PRUNE2: variants seen among roughly 807,000 people sequenced by gnomAD.
PRUNE2 encodes protein prune homolog 2.
Under a neutral mutation model 252.0 loss-of-function variants are expected in PRUNE2, and 164 were observed. That is an observed-to-expected ratio of 0.65 (90% confidence interval 0.57 to 0.74). The LOEUF (loss-of-function observed/expected upper bound fraction) is 0.74, where lower values mean the gene tolerates loss of function less well. Ranked by LOEUF, PRUNE2 falls within the 30% of genes least tolerant of loss-of-function variation. The pLI, the probability that PRUNE2 is intolerant of heterozygous loss-of-function variation, is 0.00. For synonymous variants in PRUNE2, 1,292 were observed against 1,350.2 expected (o/e 0.96, Z 0.94); for missense variants, 3,495 against 3,711.0 (o/e 0.94, Z 1.51).
chr9:76,706,195 G>A lies in PRUNE2; in HGVS notation c.6079C>T (p.Leu2027=). The A allele has an allele frequency of 6.2e-7, 1 of 1,613,978 alleles. No homozygotes were observed. The highest frequency in any genetic ancestry group is 8.5e-7 in the Non-Finnish European group (1 of 1,179,876). The change falls in exon 8 of 19, where the codon CTG becomes TTG. Residue 2027 remains leucine (L), a synonymous_variant. Transcript: ENST00000376718. ...NFPAVSSPTQ[L]IMKPGSEWDG... Reference sequence around the variant, plus strand: ...CATTCAGAGCCTGGCTTCATTATCAGTTGGGTGGGAGAACTGACAGCAGGA... The same window carrying A: ...CATTCAGAGCCTGGCTTCATTATCAATTGGGTGGGAGAACTGACAGCAGGA...
At chr9:76,872,332 T>A (rs1354134959) in intron 1 of PRUNE2, among the ~76,000 whole-genome samples, 1 of 152,176 alleles carries the variant, frequency 6.6e-6, no homozygotes, top group Non-Finnish European at 1.5e-5. Context: ...CAAAAGCCAG[T>A]CTTTTTTCAC....
intron 9 of PRUNE2, among the ~76,000 whole-genome samples, chr9:76,698,067 G>C (rs1282956784): frequency 7.4e-6 from 1 of 135,378 alleles, no homozygotes; most frequent in African/African-American, 2.7e-5. Flanking sequence ...TTTTTTTTTT[G>C]ACAAAGTTTT....
At chr9:76,717,823 G>A (rs756087923) in intron 6 of PRUNE2, among the ~76,000 whole-genome samples, 8 of 152,278 alleles carry the variant, frequency 5.3e-5, no homozygotes, top group Non-Finnish European at 1.2e-4. Flanking sequence ...AGGGAGAATG[G>A]CAATTGCTCC....
intron 10 of PRUNE2, among the ~76,000 whole-genome samples, chr9:76,653,576 T>A (rs772751395): frequency 6.6e-6 from 1 of 152,188 alleles, no homozygotes; most frequent in African/African-American, 2.4e-5. Flanking sequence ...GAACCATGGA[T>A]AGAAAGGGCC....
chr9:76,729,152 C>T (rs1055403372), intron 6 of PRUNE2, among the ~76,000 whole-genome samples: 54 of 152,264 alleles, frequency 3.5e-4, no homozygotes, highest in Admixed American at 3.9e-4. Context: ...AAGTGTGGGA[C>T]AAATGAACCA....
intron 4 of PRUNE2, among the ~76,000 whole-genome samples, chr9:76,845,761 C>A (rs1395973389): frequency 6.6e-6 from 1 of 152,168 alleles, no homozygotes; most frequent in African/African-American, 2.4e-5. Flanking sequence ...CTACCGTGTT[C>A]AAAATGGATT....
At chr9:76,823,423 C>A in intron 6 of PRUNE2, 1 of 524,126 alleles carries the variant, frequency 1.9e-6, no homozygotes, top group South Asian at 2.9e-5. Flanking sequence ...AAAGAGCATT[C>A]ATCTTGAGAA....
Position 76,850,445 on chromosome 9 carries a change from C to T in PRUNE2, c.344+18G>A. The stretch of plus-strand genomic sequence containing the variant: ...TTCATTGAGGGATTAAACCTCAGAG[C>T]TTCACAGTGGATCTTACCTCGCCAG... On this transcript the variant is annotated intron_variant, in intron 3 of 18. Coordinates refer to ENST00000376718, the MANE Select transcript of PRUNE2 (RefSeq NM_015225.3). 2.5e-6 allele frequency: 4 copies of T among 1,601,712 alleles called. No individual in the cohort carries two copies. Among genetic ancestry groups the T allele is most frequent in the Non-Finnish European group, 3.4e-6 (4 of 1,168,812 alleles).
intron 9 of PRUNE2, among the ~76,000 whole-genome samples, chr9:76,683,811 C>CTA (rs142632701): frequency 4.6e-4 from 69 of 150,834 alleles, no homozygotes; most frequent in African/African-American, 1.4e-3. Flanking sequence ...ATGTATTTAT[C>CTA]TATATATATA....
At chr9:76,615,162 A>C in intron 18 of PRUNE2, 1 of 985,574 alleles carries the variant, frequency 1.0e-6, no homozygotes, top group Non-Finnish European at 1.2e-6. Context: ...TGGGTTCCCA[A>C]GTATCTGAGG....
chr9:76,651,350 A>G (rs1847319032), intron 11 of PRUNE2, among the ~76,000 whole-genome samples: 1 of 152,202 alleles, frequency 6.6e-6, no homozygotes, highest in Non-Finnish European at 1.5e-5. Context: ...CTCAATGACC[A>G]TTGGTTGAAA....
At chr9:76,619,679 G>A (rs1831263453) in intron 17 of PRUNE2, among the ~76,000 whole-genome samples, 1 of 152,104 alleles carries the variant, frequency 6.6e-6, no homozygotes, top group Admixed American at 6.6e-5. Context: ...TCTTATTCAG[G>A]GGACATATTA....
chr9:76,710,780 T>C lies in PRUNE2; in HGVS notation c.1494A>G (p.Pro498=), dbSNP rs2046667030. The C allele has an allele frequency of 6.3e-7, 1 of 1,596,788 alleles. No homozygotes were observed. The highest frequency in any genetic ancestry group is 1.7e-5 in the Admixed American group (1 of 57,206). The change falls in exon 8 of 19, where the codon CCA becomes CCG. Residue 498 remains proline (P), a synonymous_variant. Transcript: ENST00000376718. Reference sequence around the variant, plus strand: ...GGGACTGCCCAGAAGCCATGGGTGCTGGGTCAAAATTGAAGAGGTCGAAGT... The same window carrying C: ...GGGACTGCCCAGAAGCCATGGGTGCCGGGTCAAAATTGAAGAGGTCGAAGT... ...GEHFDLFNFD[P]APMASGQSQQ...
At chr9:76,695,284 CG>C (rs5898501) in intron 9 of PRUNE2, among the ~76,000 whole-genome samples, 75,375 of 152,014 alleles carry the variant, frequency 0.5, 20,170 homozygotes, top group Middle Eastern at 0.64. Context: ...GTGATCTGCC[CG>C]ACTCAGCCTT....
At position 76,846,757 on chromosome 9, in the gene PRUNE2, C is replaced by T. The variant is rs1450139118; in HGVS notation, c.345-79G>A. On this transcript the variant is annotated intron_variant, in intron 3 of 18. Transcript: ENST00000376718. ...TTTTTGGAATGTTTAAATCTCTGCTCTCACACAAATGGCTTCCTCTCAATG... is the reference window on the plus strand; with the variant it reads ...TTTTTGGAATGTTTAAATCTCTGCTTTCACACAAATGGCTTCCTCTCAATG... 28 of 1,300,772 alleles carry T rather than the reference C, an allele frequency of 2.2e-5. No individual in the cohort carries two copies. The Admixed American group carries it at 3.8e-4, about 18-fold the overall frequency. The allele number at this position is 1,300,772 out of a possible 1,614,324, so 80.6% of individuals were successfully genotyped here.
At chr9:76,670,428 G>C (rs1248802809) in intron 9 of PRUNE2, among the ~76,000 whole-genome samples, 1 of 151,964 alleles carries the variant, frequency 6.6e-6, no homozygotes, top group East Asian at 1.9e-4. Context: ...CTGATTGCTA[G>C]CACAGCAGTC....
chr9:76,745,610 C>T (rs773726205), intron 6 of PRUNE2, among the ~76,000 whole-genome samples: 2 of 152,170 alleles, frequency 1.3e-5, no homozygotes, highest in Non-Finnish European at 2.9e-5. Context: ...TAGTACCTCC[C>T]CCTTCCCCCA....
At chr9:76,845,595 T>C (rs946637034) in intron 4 of PRUNE2, among the ~76,000 whole-genome samples, 1 of 152,200 alleles carries the variant, frequency 6.6e-6, no homozygotes, top group Non-Finnish European at 1.5e-5. Context: ...TTGGACCTTT[T>C]CCCCTCCAAA....
intron 11 of PRUNE2, among the ~76,000 whole-genome samples, chr9:76,649,620 A>AGATAGAT (rs1353270581): frequency 7.1e-6 from 1 of 141,126 alleles, no homozygotes; most frequent in African/African-American, 2.7e-5. Context: ...GATGATAGAT[A>AGATAGAT]GATAGATAGA....
Sources: allele counts gnomAD v4.1 joint callset (sites outside exome capture counted in the v4.1 genomes callset), GRCh38; gene constraint gnomAD v4.1.1; transcripts MANE v1.5; gene names NCBI Gene and HGNC (gene_info 2026-07-23, HGNC 2026-07-21).